The following RPS20 variants were observed in gnomAD, a reference collection of about 807,000 sequenced individuals.
RPS20 encodes small ribosomal subunit protein uS10.
A neutral mutation model predicts 15.3 loss-of-function variants in RPS20; 3 were observed. The observed-to-expected ratio is 0.20, with a 90% CI of 0.09 to 0.51. The LOEUF is 0.51. RPS20 is among the 20% of genes least tolerant of loss of function. RPS20 has a pLI of 0.96. For synonymous variants in RPS20, 62 were observed against 47.8 expected (o/e 1.30, Z -1.23); for missense variants, 67 against 145.9 (o/e 0.46, Z 2.79).
At chr8:56,074,038 C>G (rs752257517) in intron 2 of RPS20, 22 bp downstream of exon 2, 30 of 1,582,732 alleles carry the variant, frequency 1.9e-5, no homozygotes, top group Non-Finnish European at 2.4e-5. Flanking sequence ...CCCCCTCCCC[C>G]CCGCATAACG....
Position 56,067,388 on chromosome 8 carries a change from AAAG to A in RPS20, c.*1175_*1177del, listed in dbSNP as rs543523596. 2.9e-3 allele frequency: 437 copies of A among 152,276 alleles called. 1 individual carries two copies. Among genetic ancestry groups the A allele is most frequent in the African/African-American group, 0.01 (420 of 41,564 alleles). 9.4% of individuals were successfully genotyped at this position (152,276 alleles called of 1,614,324 possible). ...CATTGAGATATTATTCAGCCTTAAA[AAAG>A]AAGAAAAATCATGGCCGGGCGCGGT... On this transcript the variant is annotated 3_prime_UTR_variant, in exon 6 of 6. Transcript: ENST00000519807.
Position 56,073,754 on chromosome 8 carries a change from T to C in RPS20, c.118A>G (p.Ile40Val), listed in dbSNP as rs938303369. 2.5e-6 allele frequency: 4 copies of C among 1,614,082 alleles called. No homozygotes were observed. Among genetic ancestry groups the C allele is most frequent in the East Asian group, 2.2e-5 (1 of 44,888 alleles). ...KSLEKVCADL[I>V]RGAKEKNLKV... ...AGATTCTTTTCTTTTGCGCCTCTTA[T>C]CAAGTCAGCACACACTACAGGAAAT... The change falls in exon 3 of 4, where the codon ATA becomes GTA. Residue 40 changes from isoleucine (I) to valine (V), a missense_variant. Transcript: ENST00000009589.
At chr8:56,070,814 A>G (rs78819743), downstream of RPS20, among the ~76,000 whole-genome samples, 1,420 of 152,134 alleles carry the variant, frequency 9.3e-3, 9 homozygotes, top group Non-Finnish European at 0.016. Flanking sequence ...TTGCTAGCTT[A>G]CATTTCTACA....
intron 1 of RPS20, 51 bp downstream of exon 1, chr8:56,074,330 C>A (rs1260853472): frequency 6.5e-7 from 1 of 1,547,284 alleles, no homozygotes; most frequent in African/African-American, 1.4e-5. Context: ...CCGGGGTCCC[C>A]CCGGCGCCCG....
chr8:56,072,922 G>C, downstream of RPS20: 1 of 1,366,046 alleles, frequency 7.3e-7, no homozygotes, highest in Non-Finnish European at 9.4e-7. Flanking sequence ...GTTTTCAAAT[G>C]ACTCAAACGA....
chr8:56,071,818 G>C (rs1443454353), downstream of RPS20, among the ~76,000 whole-genome samples: 1 of 152,180 alleles, frequency 6.6e-6, no homozygotes, highest in African/African-American at 2.4e-5. Flanking sequence ...ACCCAACTTT[G>C]ATCCTATTAA....
At position 56,074,052 on chromosome 8, in the gene RPS20, G is replaced by A. The variant is rs769986211; in HGVS notation, c.103+8C>T. On this transcript the variant is annotated splice_region_variant and intron_variant, in intron 2 of 3. Transcript: ENST00000009589. ...TCCCCCTCCCCCCCGCATAACGAAT[G>A]CACTGACCCTTTTCCAAGGATTTTA... 2.4e-5 allele frequency: 39 copies of A among 1,603,532 alleles called. No homozygotes were observed. Among genetic ancestry groups the A allele is most frequent in the Non-Finnish European group, 3.2e-5 (37 of 1,170,766 alleles).
intron 3 of RPS20, 198 bp downstream of exon 3, chr8:56,073,497 A>C: frequency 1.6e-6 from 1 of 644,058 alleles, no homozygotes; most frequent in Non-Finnish European, 2.8e-6. Context: ...AAGCACACCA[A>C]GAACACAGCA....
chr8:56,073,820 TA>T (rs778494382), intron 2 of RPS20, 52 bp from the exon 3 acceptor site: 2 of 1,521,062 alleles, frequency 1.3e-6, no homozygotes, highest in Admixed American at 3.3e-5. Flanking sequence ...AAAATCGGCT[TA>T]AGGCCTTCAC....
downstream of RPS20, among the ~76,000 whole-genome samples, chr8:56,070,360 G>A (rs1249128215): frequency 1.3e-5 from 2 of 152,170 alleles, no homozygotes; most frequent in African/African-American, 4.8e-5. Context: ...TGCATGGCTA[G>A]AGATTCTACT....
At chr8:56,067,920 CA>C (rs552180210) in exon 6 of RPS20, 158 of 152,168 alleles carry the variant, frequency 1.0e-3, no homozygotes, top group Middle Eastern at 3.4e-3. Context: ...TTTCGCAAGA[CA>C]AAAGATTTCT....
downstream of RPS20, among the ~76,000 whole-genome samples, chr8:56,072,555 C>A (rs367978462): frequency 7.5e-3 from 1,115 of 148,204 alleles, 12 homozygotes; most frequent in African/African-American, 0.023. Flanking sequence ...CCGTCCCCCC[C>A]CCCAAAAAAA....
rs1809811415 is a variant in RPS20 at position 56,073,075 on chromosome 8, A to G, written c.*15T>C. ...GAAGTTAACAACTGGTCATCAATTT[A>G]TTAAAATAGTTGACTTAAGCATCTG... On this transcript the variant is annotated 3_prime_UTR_variant, in exon 4 of 4. Transcript: ENST00000009589. 6.3e-7 allele frequency: 1 copy of G among 1,587,828 alleles called. No homozygotes were observed. The highest frequency in any genetic ancestry group is 8.5e-7 in the Non-Finnish European group (1 of 1,174,586).
downstream of RPS20, among the ~76,000 whole-genome samples, chr8:56,071,581 TTGAACTG>T (rs1432079884): frequency 1.3e-5 from 2 of 152,172 alleles, no homozygotes; most frequent in African/African-American, 4.8e-5. Context: ...TGACTCCAGT[TTGAACTG>T]TGAGACTTCA....
At chr8:56,067,739 G>T (rs561530134) in exon 6 of RPS20, 3 of 150,922 alleles carry the variant, frequency 2.0e-5, no homozygotes, top group Non-Finnish European at 4.4e-5. Flanking sequence ...GGTCAAACTT[G>T]AAGACATTAA....
chr8:56,070,083 C>T (rs1234805914), downstream of RPS20, among the ~76,000 whole-genome samples: 1 of 152,108 alleles, frequency 6.6e-6, no homozygotes, highest in Non-Finnish European at 1.5e-5. Flanking sequence ...CTGAACTGAT[C>T]CCCCACAGAT....
At position 56,073,968 on chromosome 8, in the gene RPS20, C is replaced by T. The variant is rs561746780; in HGVS notation, c.103+92G>A. ...TTTTAAGTAACTTGTCACTTTAGTT[C>T]TTGCAGTCCACCTTCTACACTAACA... On this transcript the variant is annotated intron_variant, in intron 2 of 3. Transcript: ENST00000009589. The T allele has an allele frequency of 1.2e-4, 139 of 1,202,994 alleles. No homozygotes were observed. In the African/African-American group the frequency reaches 1.7e-3, roughly 15 times the overall value. 74.5% of individuals were successfully genotyped at this position (1,202,994 alleles called of 1,614,324 possible). A position where few individuals can be genotyped will look rare whatever the true frequency, so the allele number is the denominator to read the frequency against.
In RPS20 at chr8:56,074,506, G is replaced by C. The variant is rs541086521; in HGVS notation, c.-123C>G. ...CTTACGACCGCGTCTTCCTCAAAAAGAAAGGGGTGGGACTTGAGCAACGCT... is the reference window on the plus strand; with the variant it reads ...CTTACGACCGCGTCTTCCTCAAAAACAAAGGGGTGGGACTTGAGCAACGCT... On this transcript the variant is annotated 5_prime_UTR_variant, in exon 1 of 4. Transcript: ENST00000009589. 4 of 1,077,850 alleles carry C rather than the reference G, an allele frequency of 3.7e-6. No homozygotes were observed. Among genetic ancestry groups the C allele is most frequent in the East Asian group, 2.6e-5 (1 of 38,572 alleles). The allele number at this position is 1,077,850 out of a possible 1,614,324, so 66.8% of individuals were successfully genotyped here. A position where few individuals can be genotyped will look rare whatever the true frequency, so the allele number is the denominator to read the frequency against.
downstream of RPS20, chr8:56,073,004 C>T (rs142522386): frequency 1.8e-4 from 270 of 1,533,978 alleles, no homozygotes; most frequent in Admixed American, 6.5e-4. Flanking sequence ...TCATAGTACA[C>T]CTTTATATTC....
Sources: allele counts gnomAD v4.1 joint callset (sites outside exome capture counted in the v4.1 genomes callset), GRCh38; gene constraint gnomAD v4.1.1; transcripts MANE v1.5; gene names NCBI Gene and HGNC (gene_info 2026-07-23, HGNC 2026-07-21).